The following MYO1D variants were observed in gnomAD, a reference collection of about 807,000 sequenced individuals.
The protein encoded by MYO1D is myosin ID, also known as unconventional myosin-Id.
MYO1D carries 83 observed loss-of-function variants against 122.0 expected under a neutral mutation model. That is an observed-to-expected ratio of 0.68 (90% confidence interval 0.57 to 0.82). The LOEUF (loss-of-function observed/expected upper bound fraction) is 0.82, where lower values mean the gene tolerates loss of function less well. Ranked by LOEUF, MYO1D falls within the 40% of genes least tolerant of loss-of-function variation. The probability of loss-of-function intolerance (pLI) is 0.00; values close to 1 mark genes in which losing one functional copy is unlikely to be tolerated. For synonymous variants in MYO1D, 464 were observed against 446.9 expected, an observed-to-expected ratio of 1.04 and a Z score of -0.48; for missense variants, 1,157 against 1,269.5, an observed-to-expected ratio of 0.91 and a Z score of 1.35.
At chr17:32,873,504 T>C (rs1035114681) in intron 1 of MYO1D, among the ~76,000 whole-genome samples, 1 of 152,142 alleles carries the variant, frequency 6.6e-6, no homozygotes, top group African/African-American at 2.4e-5. Context: ...CAACCAGAAA[T>C]ATGTGCCCAA....
intron 16 of MYO1D, among the ~76,000 whole-genome samples, chr17:32,707,007 T>C (rs1406251455): frequency 2.0e-5 from 3 of 152,112 alleles, no homozygotes; most frequent in African/African-American, 4.8e-5. Flanking sequence ...CCCAGATCCA[T>C]AATTTTTTTT....
chr17:32,769,623 A>G (rs1032682988), intron 6 of MYO1D, among the ~76,000 whole-genome samples: 10 of 152,234 alleles, frequency 6.6e-5, no homozygotes, highest in Admixed American at 2.6e-4. Context: ...TAATAAAAAC[A>G]GGTTTATTTA....
chr17:32,725,336 T>A (rs777612147), intron 14 of MYO1D, among the ~76,000 whole-genome samples: 6 of 151,960 alleles, frequency 3.9e-5, no homozygotes, highest in Non-Finnish European at 8.8e-5. Flanking sequence ...CTGGCCAACA[T>A]GGTGAAACCC....
intron 21 of MYO1D, 67 bp downstream of exon 21, chr17:32,605,020 A>C: frequency 7.1e-6 from 10 of 1,412,398 alleles, no homozygotes; most frequent in South Asian, 1.6e-5. Flanking sequence ...AAACAAGCTC[A>C]GTGATAATTA....
chr17:32,677,021 A>T (rs1275525143), intron 16 of MYO1D, among the ~76,000 whole-genome samples: 1 of 152,104 alleles, frequency 6.6e-6, no homozygotes, highest in Non-Finnish European at 1.5e-5. Context: ...TGTGTTAGCC[A>T]GGATGGTCTT....
At chr17:32,610,943 T>C (rs1478829516) in intron 20 of MYO1D, among the ~76,000 whole-genome samples, 3 of 152,232 alleles carry the variant, frequency 2.0e-5, no homozygotes, top group Admixed American at 6.5e-5. Flanking sequence ...TCCTAATCTA[T>C]GAGATTTCTA....
At chr17:32,669,253 C>CTTAT (rs1461058736) in intron 16 of MYO1D, among the ~76,000 whole-genome samples, 1 of 152,182 alleles carries the variant, frequency 6.6e-6, no homozygotes, top group African/African-American at 2.4e-5. Flanking sequence ...AGTGCCCTCT[C>CTTAT]CTTGTACTAG....
At chr17:32,643,180 T>A (rs1047788717) in intron 19 of MYO1D, among the ~76,000 whole-genome samples, 7 of 151,368 alleles carry the variant, frequency 4.6e-5, no homozygotes, top group African/African-American at 1.7e-4. Context: ...ATTGAGATAA[T>A]CATGTGTTTT....
In MYO1D at chr17:32,674,771, T is replaced by C. The variant is rs1006778548; in HGVS notation, c.2122-15433A>G. On this transcript the variant is annotated intron_variant, in intron 16 of 21. Coordinates refer to ENST00000318217, the MANE Select transcript of MYO1D (RefSeq NM_015194.3). ...TTTTTGCTAGTAGCCTGGCTCTTGT[T>C]GTAGGCATTAACCAGTGCTCTTCAA... is the stretch of plus-strand genomic sequence containing the variant. Among the ~76,000 whole-genome samples, 20 of 152,182 alleles carry C rather than the reference T, an allele frequency of 1.3e-4. No homozygotes were observed. In the East Asian group the frequency reaches 3.7e-3, roughly 28 times the overall value.
chr17:32,722,205 G>C (rs2089520047), intron 14 of MYO1D, among the ~76,000 whole-genome samples: 1 of 152,170 alleles, frequency 6.6e-6, no homozygotes, highest in Admixed American at 6.5e-5. Flanking sequence ...CCTACATGGT[G>C]AAAGGTAATG....
At chr17:32,543,823 C>T (rs1227679714) in intron 21 of MYO1D, among the ~76,000 whole-genome samples, 3 of 151,748 alleles carry the variant, frequency 2.0e-5, no homozygotes, top group Admixed American at 6.6e-5. Context: ...GATGGAGTCT[C>T]GCTCTGTCAC....
At chr17:32,553,081 AAAAAAAAAAC>A (rs2087033361) in intron 21 of MYO1D, among the ~76,000 whole-genome samples, 1 of 143,570 alleles carries the variant, frequency 7.0e-6, no homozygotes, top group Non-Finnish European at 1.5e-5. Flanking sequence ...CTAAGACAAA[AAAAAAAAAAC>A]AAAAAACAAA....
chr17:32,840,374 T>C (rs1406280774), intron 1 of MYO1D, among the ~76,000 whole-genome samples: 2 of 149,184 alleles, frequency 1.3e-5, no homozygotes, highest in East Asian at 2.0e-4. Flanking sequence ...TTTACAAGTA[T>C]GACCTCTCAG....
chr17:32,712,799 A>G (rs867930584), intron 15 of MYO1D, among the ~76,000 whole-genome samples: 1 of 152,240 alleles, frequency 6.6e-6, no homozygotes, highest in Non-Finnish European at 1.5e-5. Context: ...TCATTAAGGC[A>G]GCTCACCACA....
chr17:32,620,811 G>A (rs965627407), intron 20 of MYO1D, among the ~76,000 whole-genome samples: 6 of 152,156 alleles, frequency 3.9e-5, no homozygotes, highest in Non-Finnish European at 7.4e-5. Context: ...GGAGGAGCCA[G>A]GAGGCAAACA....
chr17:32,751,298 A>AT (rs1308089056), intron 11 of MYO1D, among the ~76,000 whole-genome samples: 3 of 152,164 alleles, frequency 2.0e-5, no homozygotes, highest in Non-Finnish European at 4.4e-5. Flanking sequence ...GCAAATGATG[A>AT]TATCCAGCTC....
chr17:32,776,980 C>T (rs769334786), intron 3 of MYO1D, among the ~76,000 whole-genome samples: 82 of 152,224 alleles, frequency 5.4e-4, no homozygotes, highest in Non-Finnish European at 1.0e-3. Flanking sequence ...GAGAGTTCAA[C>T]CTTATCGCCT....
At chr17:32,858,400 AGTT>A (rs1235480964) in intron 1 of MYO1D, among the ~76,000 whole-genome samples, 1 of 152,174 alleles carries the variant, frequency 6.6e-6, no homozygotes, top group Admixed American at 6.5e-5. Context: ...CTTCACCTTT[AGTT>A]GTTATGTCTT....
At chr17:32,608,919 C>G (rs967938830) in intron 20 of MYO1D, among the ~76,000 whole-genome samples, 1 of 152,156 alleles carries the variant, frequency 6.6e-6, no homozygotes, top group Non-Finnish European at 1.5e-5. Context: ...AGGTTACAGC[C>G]TGTGTGACGC....
Sources: gnomAD v4.1 joint callset for allele counts (sites outside exome capture counted in the v4.1 genomes callset) on GRCh38, gnomAD v4.1.1 for gene constraint, MANE v1.5 for transcripts, NCBI Gene and HGNC (gene_info 2026-07-23, HGNC 2026-07-21) for gene names.